The following TRNAU1AP variants were observed in gnomAD, a reference collection of about 807,000 sequenced individuals.
The protein encoded by TRNAU1AP is tRNA selenocysteine 1-associated protein 1.
Under a neutral mutation model 43.3 loss-of-function variants are expected in TRNAU1AP, and 33 were observed. The ratio of observed to expected loss-of-function variants is 0.76; its 90% confidence interval spans 0.58 to 1.02. The LOEUF is 1.02. Ranked by LOEUF, TRNAU1AP falls within the 50% of genes least tolerant of loss-of-function variation. TRNAU1AP has a pLI of 0.00. For missense variants in TRNAU1AP, 290 were observed against 362.7 expected, an observed-to-expected ratio of 0.80 and a Z score of 1.63; for synonymous variants, 143 against 129.1, an observed-to-expected ratio of 1.11 and a Z score of -0.73.
rs138578897 is a variant in TRNAU1AP at position 28,558,456 on chromosome 1, C to T, written c.126-2177C>T. On this transcript the variant is annotated intron_variant, in intron 2 of 8. Coordinates refer to ENST00000373830, the MANE Select transcript of TRNAU1AP (RefSeq NM_017846.5). ...TCATCCAGGCTGGAGTGCATTGATGCGATCTCAGCTCACTGCAACTTCCGC... is the reference window on the plus strand; with the variant it reads ...TCATCCAGGCTGGAGTGCATTGATGTGATCTCAGCTCACTGCAACTTCCGC... Among the ~76,000 whole-genome samples, 667 of 151,048 alleles carry T rather than the reference C, an allele frequency of 4.4e-3. 22 individuals are homozygous for T. Among genetic ancestry groups the T allele is most frequent in the East Asian group, 0.01 (53 of 5,140 alleles).
chr1:28,577,663 A>T lies in TRNAU1AP; in HGVS notation c.*27A>T, dbSNP rs776929126. The T allele has an allele frequency of 6.2e-7, 1 of 1,602,352 alleles. No individual in the cohort carries two copies. Among genetic ancestry groups the T allele is most frequent in the Non-Finnish European group, 8.5e-7 (1 of 1,174,478 alleles). On this transcript the variant is annotated 3_prime_UTR_variant, in exon 9 of 9. Coordinates refer to ENST00000373830, the MANE Select transcript of TRNAU1AP (RefSeq NM_017846.5). Reference sequence around the variant, plus strand: ...CAGGCCAAAGGACAAGCCAGGTTGCATGATGTGAGGGAGATGAGAGACTCC... The same window carrying T: ...CAGGCCAAAGGACAAGCCAGGTTGCTTGATGTGAGGGAGATGAGAGACTCC...
rs768069941 is a variant in TRNAU1AP, at chr1:28,553,713, A to G, written c.101A>G (p.Lys34Arg). 9 of 1,614,074 alleles carry G rather than the reference A, an allele frequency of 5.6e-6. No homozygotes were observed. Among genetic ancestry groups the G allele is most frequent in the South Asian group, 3.3e-5 (3 of 91,092 alleles). The change falls in exon 2 of 9, where the codon AAA becomes AGA. Residue 34 changes from lysine to arginine, a missense_variant. This residue lies in a region of TRNAU1AP where 59 missense variants were observed against 45.5 expected (regional missense o/e 1.30). Coordinates refer to ENST00000373830, the MANE Select transcript of TRNAU1AP (RefSeq NM_017846.5). ...ATMGETVMSVKIIRNRLTGIP... is the reference protein window; with the variant it reads ...ATMGETVMSVRIIRNRLTGIP... ...ATGGGGGAGACCGTAATGAGCGTCA[A>G]AATTATCCGAAACCGCCTCACTGGG...
intron 2 of TRNAU1AP, among the ~76,000 whole-genome samples, chr1:28,554,802 C>G: frequency 6.6e-6 from 1 of 150,876 alleles, no homozygotes; most frequent in East Asian, 1.9e-4. Context: ...CGAGATCGCT[C>G]CACTCCACTC....
In TRNAU1AP at chr1:28,567,377, C is replaced by T. The variant is rs1665564600; in HGVS notation, c.494C>T (p.Ser165Phe). The change falls in exon 6 of 9, where the codon TCT becomes TTT. Residue 165 changes from serine to phenylalanine, a missense_variant. Ser to Phe is a radical substitution (Grantham distance 155). Coordinates refer to ENST00000373830, the MANE Select transcript of TRNAU1AP (RefSeq NM_017846.5). ...TGCCAGGGAGCAGTGGGACTGGGGT[C>T]TAAGCCTGTGCGGCTGAGCGTGGCA... ...TECQGAVGLG[S>F]KPVRLSVAIP... 1.9e-6 allele frequency: 3 copies of T among 1,613,066 alleles called. No individual in the cohort carries two copies.
In TRNAU1AP at chr1:28,577,669, T is replaced by G. The variant is rs750600408; in HGVS notation, c.*33T>G. 2 of 1,565,146 alleles carry G rather than the reference T, an allele frequency of 1.3e-6. No individual in the cohort carries two copies. Among genetic ancestry groups the G allele is most frequent in the Non-Finnish European group, 1.7e-6 (2 of 1,156,430 alleles). ...AAAGGACAAGCCAGGTTGCATGATGTGAGGGAGATGAGAGACTCCTTTTTA... is the reference window on the plus strand; with the variant it reads ...AAAGGACAAGCCAGGTTGCATGATGGGAGGGAGATGAGAGACTCCTTTTTA... On this transcript the variant is annotated 3_prime_UTR_variant, in exon 9 of 9. Transcript: ENST00000373830.
intron 8 of TRNAU1AP, among the ~76,000 whole-genome samples, chr1:28,576,156 GTT>G (rs58148511): frequency 4.4e-5 from 6 of 137,576 alleles, no homozygotes; most frequent in Admixed American, 2.2e-4. Context: ...ACAGTGCCCA[GTT>G]TTTTTTTTTT....
intron 8 of TRNAU1AP, among the ~76,000 whole-genome samples, chr1:28,573,497 G>A (rs962122447): frequency 6.6e-6 from 1 of 151,952 alleles, no homozygotes; most frequent in Non-Finnish European, 1.5e-5. Flanking sequence ...AAATTGCCAG[G>A]CGCGGTGGCT....
At chr1:28,558,465 C>T (rs934055690) in intron 2 of TRNAU1AP, among the ~76,000 whole-genome samples, 1 of 151,740 alleles carries the variant, frequency 6.6e-6, no homozygotes, top group Non-Finnish European at 1.5e-5. Context: ...GCGATCTCAG[C>T]TCACTGCAAC....
intron 4 of TRNAU1AP, among the ~76,000 whole-genome samples, chr1:28,563,052 C>T (rs139825237): frequency 0.047 from 7,078 of 151,630 alleles, 246 homozygotes; most frequent in Admixed American, 0.077. Flanking sequence ...CCTGCCAATG[C>T]GCCCAGCTAA....
At chr1:28,560,771 T>C (rs751619477) in intron 3 of TRNAU1AP, 39 bp downstream of exon 3, 5 of 1,492,838 alleles carry the variant, frequency 3.3e-6, no homozygotes, top group Non-Finnish European at 4.7e-6. Flanking sequence ...GCCATTATTA[T>C]TGTCATTGCT....
chr1:28,565,065 A>G, intron 5 of TRNAU1AP: 5 of 537,528 alleles, frequency 9.3e-6, no homozygotes, highest in South Asian at 9.1e-5. Context: ...CTGATTAATA[A>G]TAGCTGCTTG....
chr1:28,553,354 G>A, intron 1 of TRNAU1AP: 1 of 636,266 alleles, frequency 1.6e-6, no homozygotes, highest in Admixed American at 3.0e-5. Flanking sequence ...TTCGTGGGAG[G>A]GAAAGGTGGT....
At chr1:28,558,265 G>A (rs1557431936) in intron 2 of TRNAU1AP, among the ~76,000 whole-genome samples, 1 of 147,984 alleles carries the variant, frequency 6.8e-6, no homozygotes, top group Non-Finnish European at 1.5e-5. Flanking sequence ...TGCCAGGCTG[G>A]AGTGCAGTGG....
At chr1:28,559,511 C>T (rs1285940164) in intron 2 of TRNAU1AP, among the ~76,000 whole-genome samples, 2 of 151,890 alleles carry the variant, frequency 1.3e-5, no homozygotes, top group African/African-American at 4.8e-5. Flanking sequence ...GCCTGTAATT[C>T]CAGCTACTTG....
At chr1:28,567,149 A>G in intron 5 of TRNAU1AP, 145 bp from the exon 6 acceptor site, 2 of 783,880 alleles carry the variant, frequency 2.6e-6, no homozygotes, top group Non-Finnish European at 4.0e-6. Context: ...TTCTTCCTCT[A>G]GTTTAATGGA....
chr1:28,571,879 G>A lies in TRNAU1AP; in HGVS notation c.706G>A (p.Val236Ile). The A allele has an allele frequency of 6.2e-7, 1 of 1,613,592 alleles. No homozygotes were observed. The highest frequency in any genetic ancestry group is 8.5e-7 in the Non-Finnish European group (1 of 1,179,744). ...GGTCTCTTGGCAGACATATGAAGAA[G>A]TTGGAGATGATGCATTGGAAGGTAA... is the stretch of plus-strand genomic sequence containing the variant. ...TQSTMQTYEE[V>I]GDDALEDPMP... Residue 236 changes from valine (V) to isoleucine (I), a missense_variant, in exon 8 of 9, where the codon GTT becomes ATT. By Grantham distance (29) the Val-to-Ile change is conservative. Transcript: ENST00000373830.
At chr1:28,554,835 T>G (rs984699019) in intron 2 of TRNAU1AP, among the ~76,000 whole-genome samples, 1 of 138,052 alleles carries the variant, frequency 7.2e-6, no homozygotes, top group Non-Finnish European at 1.6e-5. Context: ...CAGCTGAGAC[T>G]CTGTCTCAAA....
rs1347406003 is a variant in TRNAU1AP, at chr1:28,577,494, T to C, written c.728-6T>C. On this transcript the variant is annotated splice_region_variant and splice_polypyrimidine_tract_variant and intron_variant, in intron 8 of 8. Coordinates refer to ENST00000373830, the MANE Select transcript of TRNAU1AP (RefSeq NM_017846.5). Reference sequence around the variant, plus strand: ...TTCCCTGACCCCATCCTTGCTTGCTTTCCAGACCCCATGCCACAGCTGGAT... The same window carrying C: ...TTCCCTGACCCCATCCTTGCTTGCTCTCCAGACCCCATGCCACAGCTGGAT... 1.2e-6 allele frequency: 2 copies of C among 1,613,550 alleles called. No individual in the cohort carries two copies. Among genetic ancestry groups the C allele is most frequent in the Admixed American group, 3.3e-5 (2 of 59,938 alleles).
intron 8 of TRNAU1AP, among the ~76,000 whole-genome samples, chr1:28,576,159 T>G (rs1665774997): frequency 1.3e-5 from 2 of 148,960 alleles, no homozygotes; most frequent in Non-Finnish European, 3.0e-5. Context: ...GTGCCCAGTT[T>G]TTTTTTTTTT....
Sources: gnomAD v4.1 joint callset for allele counts (sites outside exome capture counted in the v4.1 genomes callset) on GRCh38, gnomAD v4.1.1 for gene constraint, gnomAD v4.1.1 regional missense constraint, MANE v1.5 for transcripts, NCBI Gene and HGNC (gene_info 2026-07-23, HGNC 2026-07-21) for gene names.